Variants in CAMK2N1 observed in about 807,000 individuals in gnomAD.
The protein encoded by CAMK2N1 is calcium/calmodulin dependent protein kinase II inhibitor 1, also known as calcium/calmodulin-dependent protein kinase II inhibitor 1.
A neutral mutation model predicts 6.4 loss-of-function variants in CAMK2N1; 2 were observed. The observed-to-expected ratio is 0.31, with a 90% CI of 0.13 to 0.98. The LOEUF is 0.98. CAMK2N1 is among the 50% of genes least tolerant of loss of function. The probability of loss-of-function intolerance (pLI) is 0.51; values close to 1 mark genes in which losing one functional copy is unlikely to be tolerated. For synonymous variants in CAMK2N1, 42 were observed against 47.5 expected (o/e 0.88, Z 0.47); for missense variants, 77 against 107.3 (o/e 0.72, Z 1.25).
intron 1 of CAMK2N1, among the ~76,000 whole-genome samples, 198 bp from the exon 2 acceptor site, chr1:20,483,917 C>A (rs1039624541): frequency 2.0e-5 from 3 of 152,190 alleles, no homozygotes; most frequent in Admixed American, 2.0e-4. Flanking sequence ...ACCCACCACC[C>A]TCTATCCTCC....
At chr1:20,483,853 AC>A (rs2051488484) in intron 1 of CAMK2N1, 134 bp from the exon 2 acceptor site, 2 of 747,534 alleles carry the variant, frequency 2.7e-6, no homozygotes, top group Admixed American at 2.0e-5. Flanking sequence ...GCGCGGTGAA[AC>A]AGCTCCATCC....
In CAMK2N1 at chr1:20,485,173, CG is replaced by C; in HGVS notation, c.166+40del. On this transcript the variant is annotated intron_variant, in intron 1 of 1. Transcript: ENST00000375078. This position sits in a 1 kb window ranked among gnomAD's most constrained non-coding sequence, Gnocchi z 8.4. Reference sequence around the variant, plus strand: ...CGCAACCCTTGTTCAGGCCGCGGCGCGGGAAAAAGGGGGTGTCAGACAAGGG... The same window carrying C: ...CGCAACCCTTGTTCAGGCCGCGGCGCGGAAAAAGGGGGTGTCAGACAAGGG... 6.4e-7 allele frequency: 1 copy of C among 1,560,516 alleles called. No homozygotes were observed. The highest frequency in any genetic ancestry group is 8.6e-7 in the Non-Finnish European group (1 of 1,157,236).
At position 20,482,462 on chromosome 1, in the gene CAMK2N1, A is replaced by G. The variant is rs1340337039; in HGVS notation, c.*1187T>C. 1 of 152,344 alleles carries G rather than the reference A, an allele frequency of 6.6e-6. No homozygotes were observed. Among genetic ancestry groups the G allele is most frequent in the East Asian group, 1.9e-4 (1 of 5,168 alleles). 9.4% of individuals were successfully genotyped at this position (152,344 alleles called of 1,614,324 possible). A position where few individuals can be genotyped will look rare whatever the true frequency, so the allele number is the denominator to read the frequency against. On this transcript the variant is annotated 3_prime_UTR_variant, in exon 2 of 2. Transcript: ENST00000375078. ...TGTGTGCTGGTTCAAGGTGCAACATACAGAATATTGAATTAAGAAAAGAGG... is the reference window on the plus strand; with the variant it reads ...TGTGTGCTGGTTCAAGGTGCAACATGCAGAATATTGAATTAAGAAAAGAGG...
At position 20,485,108 on chromosome 1, in the gene CAMK2N1, T is replaced by A; in HGVS notation, c.166+106A>T. 8.0e-7 allele frequency: 1 copy of A among 1,243,210 alleles called. No homozygotes were observed. Among genetic ancestry groups the A allele is most frequent in the Non-Finnish European group, 1.1e-6 (1 of 933,264 alleles). The allele number at this position is 1,243,210 out of a possible 1,614,324, so 77.0% of individuals were successfully genotyped here. ...ATCCCCCAATTCTGCAAGAAGGGAT[T>A]CCGTCAGGTCTGAACGGGCTCCAGC... On this transcript the variant is annotated intron_variant, in intron 1 of 1. Coordinates refer to ENST00000375078, the MANE Select transcript of CAMK2N1 (RefSeq NM_018584.6). The surrounding 1 kb of genome is among the most constrained non-coding windows in gnomAD (Gnocchi z 8.4).
In CAMK2N1 at chr1:20,483,382, A is replaced by G. The variant is rs533853334; in HGVS notation, c.*267T>C. 1.2e-4 allele frequency: 23 copies of G among 193,956 alleles called. No homozygotes were observed. Among genetic ancestry groups the G allele is most frequent in the Non-Finnish European group, 2.2e-4 (21 of 97,144 alleles). 12.0% of individuals were successfully genotyped at this position (193,956 alleles called of 1,614,324 possible). ...CTGAGACTTCTTTTTATTTCTTTAT[A>G]TGTGTATATAGTGAATTTTTATTAT... On this transcript the variant is annotated 3_prime_UTR_variant, in exon 2 of 2. Transcript: ENST00000375078.
At position 20,485,140 on chromosome 1, in the gene CAMK2N1, G is replaced by A; in HGVS notation, c.166+74C>T. 6.8e-7 allele frequency: 1 copy of A among 1,464,770 alleles called. No individual in the cohort carries two copies. The highest frequency in any genetic ancestry group is 9.1e-7 in the Non-Finnish European group (1 of 1,098,272). The allele number at this position is 1,464,770 out of a possible 1,614,324, so 90.7% of individuals were successfully genotyped here. ...GGTCTGAACGGGCTCCAGCGGGTGGGAGACCTCCGCAACCCTTGTTCAGGC... is the reference window on the plus strand; with the variant it reads ...GGTCTGAACGGGCTCCAGCGGGTGGAAGACCTCCGCAACCCTTGTTCAGGC... On this transcript the variant is annotated intron_variant, in intron 1 of 1. Coordinates refer to ENST00000375078, the MANE Select transcript of CAMK2N1 (RefSeq NM_018584.6). The surrounding 1 kb of genome is among the most constrained non-coding windows in gnomAD (Gnocchi z 8.4).
chr1:20,485,181 A>G lies in CAMK2N1; in HGVS notation c.166+33T>C, dbSNP rs1189399413. 16 of 1,567,986 alleles carry G rather than the reference A, an allele frequency of 1.0e-5. No individual in the cohort carries two copies. Among genetic ancestry groups the G allele is most frequent in the East Asian group, 2.4e-5 (1 of 41,752 alleles). On this transcript the variant is annotated intron_variant, in intron 1 of 1. Coordinates refer to ENST00000375078, the MANE Select transcript of CAMK2N1 (RefSeq NM_018584.6). This position sits in a 1 kb window ranked among gnomAD's most constrained non-coding sequence, Gnocchi z 8.4. ...TTGTTCAGGCCGCGGCGCGGGAAAA[A>G]GGGGGTGTCAGACAAGGGGGCCGCG...
In CAMK2N1 at chr1:20,482,728, G is replaced by T. The variant is rs745688155; in HGVS notation, c.*921C>A. On this transcript the variant is annotated 3_prime_UTR_variant, in exon 2 of 2. Transcript: ENST00000375078. ...ATTTCAAGATATTTGGCACTCTTGTGATTACATTTTTTTACAGTCCATTAA... is the reference window on the plus strand; with the variant it reads ...ATTTCAAGATATTTGGCACTCTTGTTATTACATTTTTTTACAGTCCATTAA... 183 of 152,480 alleles carry T rather than the reference G, an allele frequency of 1.2e-3. 2 individuals carry two copies. Among genetic ancestry groups the T allele is most frequent in the Non-Finnish European group, 1.9e-3 (128 of 68,028 alleles). The allele number at this position is 152,480 out of a possible 1,614,324, so 9.4% of individuals were successfully genotyped here.
chr1:20,485,811 C>A lies in CAMK2N1; in HGVS notation c.-432G>T, dbSNP rs1255962719. ...CTGCGGCGAGTGCGGGCGGCGGCGCCGGTTCGGGGAGGCAGACTGGGAGCT... is the reference window on the plus strand; with the variant it reads ...CTGCGGCGAGTGCGGGCGGCGGCGCAGGTTCGGGGAGGCAGACTGGGAGCT... On this transcript the variant is annotated 5_prime_UTR_variant, in exon 1 of 2. Coordinates refer to ENST00000375078, the MANE Select transcript of CAMK2N1 (RefSeq NM_018584.6). This position sits in a 1 kb window ranked among gnomAD's most constrained non-coding sequence, Gnocchi z 8.4. 7.1e-6 allele frequency: 1 copy of A among 140,940 alleles called. No homozygotes were observed. Among genetic ancestry groups the A allele is most frequent in the South Asian group, 2.2e-4 (1 of 4,534 alleles). 8.7% of individuals were successfully genotyped at this position (140,940 alleles called of 1,614,324 possible).
In CAMK2N1 at chr1:20,485,196, A is replaced by C. The variant is rs981654777; in HGVS notation, c.166+18T>G. The C allele has an allele frequency of 6.3e-7, 1 of 1,582,580 alleles. No homozygotes were observed. Among genetic ancestry groups the C allele is most frequent in the Non-Finnish European group, 8.6e-7 (1 of 1,168,010 alleles). On this transcript the variant is annotated intron_variant, in intron 1 of 1. Coordinates refer to ENST00000375078, the MANE Select transcript of CAMK2N1 (RefSeq NM_018584.6). This position sits in a 1 kb window ranked among gnomAD's most constrained non-coding sequence, Gnocchi z 8.4. ...CGCGGGAAAAAGGGGGTGTCAGACA[A>C]GGGGGCCGCGAACTCACCCCGCTTG...
In CAMK2N1 at chr1:20,484,210, G is replaced by A. The variant is rs1246474575; in HGVS notation, c.167-491C>T. Among the ~76,000 whole-genome samples the A allele has an allele frequency of 6.6e-6, 1 of 152,172 alleles. No homozygotes were observed. Among genetic ancestry groups the A allele is most frequent in the Non-Finnish European group, 1.5e-5 (1 of 68,026 alleles). ...GTTCCCACGACGCGCAGCGGGTGGG[G>A]GTTAGGGCCTGGCCTGGGCGGGCGC... On this transcript the variant is annotated intron_variant, in intron 1 of 1. Transcript: ENST00000375078. The surrounding 1 kb of genome is among the most constrained non-coding windows in gnomAD (Gnocchi z 6.8).
rs1254505347 is a variant in CAMK2N1, at chr1:20,484,283, C to T, written c.167-564G>A. 6.5e-6 allele frequency: 1 copy of T among 153,310 alleles called. No individual in the cohort carries two copies. The highest frequency in any genetic ancestry group is 2.4e-5 in the African/African-American group (1 of 41,472). 9.5% of individuals were successfully genotyped at this position (153,310 alleles called of 1,614,324 possible). A position where few individuals can be genotyped will look rare whatever the true frequency, so the allele number is the denominator to read the frequency against. ...AGCCGCTGGCCGACTGACTCGGCCG[C>T]CCCGCGCTCCCCGCTGCCGCAGAGG... On this transcript the variant is annotated intron_variant, in intron 1 of 1. Coordinates refer to ENST00000375078, the MANE Select transcript of CAMK2N1 (RefSeq NM_018584.6). This position sits in a 1 kb window ranked among gnomAD's most constrained non-coding sequence, Gnocchi z 6.8.
At position 20,485,200 on chromosome 1, in the gene CAMK2N1, G is replaced by C. The variant is rs1384206981; in HGVS notation, c.166+14C>G. 6.3e-7 allele frequency: 1 copy of C among 1,587,026 alleles called. No homozygotes were observed. The highest frequency in any genetic ancestry group is 1.3e-5 in the African/African-American group (1 of 74,086). ...GGAAAAAGGGGGTGTCAGACAAGGG[G>C]GCCGCGAACTCACCCCGCTTGCTCC... On this transcript the variant is annotated intron_variant, in intron 1 of 1. Transcript: ENST00000375078. This position sits in a 1 kb window ranked among gnomAD's most constrained non-coding sequence, Gnocchi z 8.4.
rs1192495115 is a variant in CAMK2N1 at position 20,484,847 on chromosome 1, G to C, written c.166+367C>G. On this transcript the variant is annotated intron_variant, in intron 1 of 1. Coordinates refer to ENST00000375078, the MANE Select transcript of CAMK2N1 (RefSeq NM_018584.6). The surrounding 1 kb of genome is among the most constrained non-coding windows in gnomAD (Gnocchi z 6.8). Reference sequence around the variant, plus strand: ...TCCTCCCCACGCAGGTCCCCACGCCGTCCCCTGGGGGTCCCTGGGACCCCC... The same window carrying C: ...TCCTCCCCACGCAGGTCCCCACGCCCTCCCCTGGGGGTCCCTGGGACCCCC... Among the ~76,000 whole-genome samples the C allele has an allele frequency of 1.3e-5, 2 of 152,062 alleles. No individual in the cohort carries two copies. The highest frequency in any genetic ancestry group is 2.9e-5 in the Non-Finnish European group (2 of 67,992).
chr1:20,485,817 G>C lies in CAMK2N1; in HGVS notation c.-438C>G, dbSNP rs921888224. Reference sequence around the variant, plus strand: ...CGAGTGCGGGCGGCGGCGCCGGTTCGGGGAGGCAGACTGGGAGCTGCGAGC... The same window carrying C: ...CGAGTGCGGGCGGCGGCGCCGGTTCCGGGAGGCAGACTGGGAGCTGCGAGC... On this transcript the variant is annotated 5_prime_UTR_variant, in exon 1 of 2. Transcript: ENST00000375078. This position sits in a 1 kb window ranked among gnomAD's most constrained non-coding sequence, Gnocchi z 8.4. The C allele has an allele frequency of 4.6e-5, 7 of 152,456 alleles. No homozygotes were observed. Among genetic ancestry groups the C allele is most frequent in the African/African-American group, 1.7e-4 (7 of 41,208 alleles). The allele number at this position is 152,456 out of a possible 1,614,324, so 9.4% of individuals were successfully genotyped here. A position where few individuals can be genotyped will look rare whatever the true frequency, so the allele number is the denominator to read the frequency against.
chr1:20,483,748 G>A (rs1249922165), intron 1 of CAMK2N1, 29 bp from the exon 2 acceptor site: 1 of 1,600,964 alleles, frequency 6.2e-7, no homozygotes, highest in East Asian at 2.2e-5. Context: ...AAAGAGAGGT[G>A]AGCGCGCTGG....
Position 20,485,790 on chromosome 1 carries a change from G to A in CAMK2N1, c.-411C>T, listed in dbSNP as rs944932134. The A allele has an allele frequency of 1.2e-4, 19 of 152,606 alleles. No individual in the cohort carries two copies. The highest frequency in any genetic ancestry group is 4.4e-4 in the African/African-American group (18 of 41,224). 9.5% of individuals were successfully genotyped at this position (152,606 alleles called of 1,614,324 possible). ...CGGGAGCCGGGCGGGCCGGTCCTGC[G>A]GCGAGTGCGGGCGGCGGCGCCGGTT... On this transcript the variant is annotated 5_prime_UTR_variant, in exon 1 of 2. Coordinates refer to ENST00000375078, the MANE Select transcript of CAMK2N1 (RefSeq NM_018584.6). This position sits in a 1 kb window ranked among gnomAD's most constrained non-coding sequence, Gnocchi z 8.4.
chr1:20,485,201 G>T lies in CAMK2N1; in HGVS notation c.166+13C>A, dbSNP rs769498129. The T allele has an allele frequency of 1.9e-6, 3 of 1,586,594 alleles. No homozygotes were observed. Among genetic ancestry groups the T allele is most frequent in the African/African-American group, 1.4e-5 (1 of 73,952 alleles). ...GAAAAAGGGGGTGTCAGACAAGGGG[G>T]CCGCGAACTCACCCCGCTTGCTCCG... On this transcript the variant is annotated intron_variant, in intron 1 of 1. Transcript: ENST00000375078. The surrounding 1 kb of genome is among the most constrained non-coding windows in gnomAD (Gnocchi z 8.4).
In CAMK2N1 at chr1:20,483,494, C is replaced by G; in HGVS notation, c.*155G>C. Reference sequence around the variant, plus strand: ...CCTCCTCCTCCTCCTCTCGCCTCATCTGTCTCCCGGCCTGATACCAGATAC... The same window carrying G: ...CCTCCTCCTCCTCCTCTCGCCTCATGTGTCTCCCGGCCTGATACCAGATAC... On this transcript the variant is annotated 3_prime_UTR_variant, in exon 2 of 2. Transcript: ENST00000375078. 3.2e-6 allele frequency: 2 copies of G among 633,238 alleles called. No homozygotes were observed. The highest frequency in any genetic ancestry group is 5.7e-6 in the Non-Finnish European group (2 of 351,384). 39.2% of individuals were successfully genotyped at this position (633,238 alleles called of 1,614,324 possible).
Sources: allele counts gnomAD v4.1 joint callset (sites outside exome capture counted in the v4.1 genomes callset), GRCh38; gene constraint gnomAD v4.1.1; non-coding constraint Gnocchi (gnomAD v3.1); transcripts MANE v1.5; gene names NCBI Gene and HGNC (gene_info 2026-07-23, HGNC 2026-07-21).